Variants in OVGP1 observed in about 807,000 individuals in gnomAD.
The protein encoded by OVGP1 is oviductal glycoprotein 1.
Under a neutral mutation model 48.2 loss-of-function variants are expected in OVGP1, and 26 were observed. That is an observed-to-expected ratio of 0.54 (90% CI 0.40 to 0.75). The LOEUF is 0.75. OVGP1 is among the 30% of genes least tolerant of loss of function. The pLI is 0.00. For missense variants in OVGP1, 791 were observed against 820.6 expected (o/e 0.96, Z 0.44); for synonymous variants, 294 against 305.7 (o/e 0.96, Z 0.40).
Position 111,419,741 on chromosome 1 carries a change from AC to A in OVGP1, c.904-16del. Reference sequence around the variant, plus strand: ...AAGGAACAAATCTGCCAAGAGGACCACCAGGTTAGTTCTGGGAAGTGCCATG... The same window carrying A: ...AAGGAACAAATCTGCCAAGAGGACCACAGGTTAGTTCTGGGAAGTGCCATG... On this transcript the variant is annotated splice_polypyrimidine_tract_variant and intron_variant, in intron 8 of 10. Coordinates refer to ENST00000369732, the MANE Select transcript of OVGP1 (RefSeq NM_002557.4). 1 of 1,520,678 alleles carries A rather than the reference AC, an allele frequency of 6.6e-7. No individual in the cohort carries two copies. The highest frequency in any genetic ancestry group is 9.1e-7 in the Non-Finnish European group (1 of 1,096,496). The allele number at this position is 1,520,678 out of a possible 1,614,324, so 94.2% of individuals were successfully genotyped here.
Position 111,416,410 on chromosome 1 carries a change from A to G in OVGP1, c.1069T>C (p.Leu357=), listed in dbSNP as rs759261627. The part of the protein sequence containing the change: ...EHFGGAMVWT[L]DMDDVRGTFC... ...GTGCCCCTGACGTCATCCATGTCCA[A>G]TGTCCACACCATGGCCCCCCCAAAA... Residue 357 remains leucine (L), a synonymous_variant, in exon 10 of 11, where the codon TTG becomes CTG. Transcript: ENST00000369732. 1.9e-5 allele frequency: 30 copies of G among 1,608,334 alleles called. 1 individual carries two copies. In the South Asian group the frequency reaches 2.2e-4, roughly 12 times the overall value.
chr1:111,422,974 C>G lies in OVGP1; in HGVS notation c.561G>C (p.Gly187=). 6.2e-7 allele frequency: 1 copy of G among 1,614,116 alleles called. No individual in the cohort carries two copies. The highest frequency in any genetic ancestry group is 8.5e-7 in the Non-Finnish European group (1 of 1,180,020). ...PRLLLSAAVS[G]VPHIVQTSYD... Reference sequence around the variant, plus strand: ...AGGATGTTTGGACGATGTGTGGGACCCCAGAAACAGCAGCAGACAGCAGCA... The same window carrying G: ...AGGATGTTTGGACGATGTGTGGGACGCCAGAAACAGCAGCAGACAGCAGCA... Residue 187 remains glycine, a synonymous_variant, in exon 6 of 11, where the codon GGG becomes GGC. Transcript: ENST00000369732.
chr1:111,426,906 C>T, intron 2 of OVGP1, 156 bp downstream of exon 2: 1 of 1,548,074 alleles, frequency 6.5e-7, no homozygotes, highest in Admixed American at 2.0e-5. Flanking sequence ...GCGACACAAA[C>T]AGCAGGTGAC....
rs1275204568 is a variant in OVGP1, at chr1:111,414,758, T to C, written c.1743A>G (p.Ile581Met). The change falls in exon 11 of 11, where the codon ATA becomes ATG. Residue 581 changes from isoleucine (I) to methionine (M), a missense_variant. Ile to Met is a conservative substitution (Grantham distance 10). Transcript: ENST00000369732. ...REKVTVPSRN[I>M]SVTPEGQTMP... ...TAGTCTGCCCTTCAGGGGTGACTGA[T>C]ATGTTTCTGGAGGGGACAGTCACCT... The C allele has an allele frequency of 1.2e-6, 2 of 1,611,024 alleles. No individual in the cohort carries two copies. The highest frequency in any genetic ancestry group is 1.7e-6 in the Non-Finnish European group (2 of 1,177,566).
intron 8 of OVGP1, among the ~76,000 whole-genome samples, chr1:111,420,306 C>T (rs1305986390): frequency 1.3e-5 from 2 of 152,234 alleles, no homozygotes; most frequent in Middle Eastern, 6.3e-3. Flanking sequence ...AAGTTAATGT[C>T]TAAGCCATTC....
At chr1:111,426,796 T>C (rs1652411281) in intron 2 of OVGP1, 155 bp from the exon 3 acceptor site, 1 of 1,547,486 alleles carries the variant, frequency 6.5e-7, no homozygotes, top group Admixed American at 2.0e-5. Flanking sequence ...TACACTGAGG[T>C]TCTATTCCTC....
At position 111,414,568 on chromosome 1, in the gene OVGP1, T is replaced by C. The variant is rs776506048; in HGVS notation, c.1933A>G (p.Ile645Val). ...PLAFDNRFVP[I>V]YGNHSSVNSV... ...TTGACAGAGGAATGGTTTCCATAGA[T>C]GGGAACAAAGCGGTTGTCAAAAGCT... is the stretch of plus-strand genomic sequence containing the variant. The change falls in exon 11 of 11, where the codon ATC becomes GTC. Residue 645 changes from isoleucine to valine, a missense_variant. Coordinates refer to ENST00000369732, the MANE Select transcript of OVGP1 (RefSeq NM_002557.4). 5.6e-6 allele frequency: 9 copies of C among 1,614,174 alleles called. No individual in the cohort carries two copies. The Admixed American group carries it at 1.2e-4, about 21-fold the overall frequency.
chr1:111,415,126 A>T lies in OVGP1; in HGVS notation c.1375T>A (p.Ser459Thr), dbSNP rs376749210. ...AGAGCTACAGTGTGCTTTCCAAGGG[A>T]TACAGTTTCCTTTGTAGGGGTCACA... ...TTVTPTKETV[S>T]LGKHTVALGE... is the part of the protein sequence containing the mutation. Residue 459 changes from serine (S) to threonine (T), a missense_variant, in exon 11 of 11, where the codon TCC (serine) becomes ACC (threonine). By Grantham distance (58) the Ser-to-Thr change is moderately conservative (BLOSUM62 1). Coordinates refer to ENST00000369732, the MANE Select transcript of OVGP1 (RefSeq NM_002557.4). The T allele has an allele frequency of 6.2e-6, 10 of 1,613,970 alleles. No individual in the cohort carries two copies. The highest frequency in any genetic ancestry group is 3.3e-4 in the Middle Eastern group (2 of 6,080).
intron 6 of OVGP1, among the ~76,000 whole-genome samples, chr1:111,422,385 A>G (rs553167665): frequency 6.6e-6 from 1 of 152,344 alleles, no homozygotes; most frequent in Non-Finnish European, 1.5e-5. Flanking sequence ...CCTCTTCTGT[A>G]AATACTTGAT....
At chr1:111,427,270 G>C in intron 1 of OVGP1, 179 bp from the exon 2 acceptor site, 1 of 985,426 alleles carries the variant, frequency 1.0e-6, no homozygotes, top group Non-Finnish European at 1.2e-6. Flanking sequence ...AGTTGGACCA[G>C]TGGAGCTAGA....
intron 8 of OVGP1, among the ~76,000 whole-genome samples, chr1:111,420,409 G>A (rs1271275491): frequency 6.6e-6 from 1 of 152,182 alleles, no homozygotes; most frequent in Non-Finnish European, 1.5e-5. Context: ...TCATAAAAAT[G>A]CTTCATTGGG....
intron 3 of OVGP1, 148 bp downstream of exon 3, chr1:111,426,289 T>C: frequency 3.8e-6 from 4 of 1,060,588 alleles, no homozygotes; most frequent in Non-Finnish European, 5.4e-6. Flanking sequence ...CAAGGAGTTC[T>C]CAAGTTGGGG....
At position 111,414,776 on chromosome 1, in the gene OVGP1, A is replaced by G. The variant is rs762680875; in HGVS notation, c.1725T>C (p.Thr575=). Residue 575 remains threonine (T), a synonymous_variant, in exon 11 of 11, where the codon ACT becomes ACC. Transcript: ENST00000369732. ...RRKAVAREKV[T]VPSRNISVTP... is the part of the protein sequence containing the mutation. ...TGACTGATATGTTTCTGGAGGGGAC[A>G]GTCACCTTTTCACGGGCCACAGCCT... 10 of 1,607,304 alleles carry G rather than the reference A, an allele frequency of 6.2e-6. No homozygotes were observed. The highest frequency in any genetic ancestry group is 1.1e-5 in the South Asian group (1 of 90,724).
At chr1:111,425,521 T>C (rs1309257107) in intron 3 of OVGP1, 82 bp from the exon 4 acceptor site, 3 of 1,594,422 alleles carry the variant, frequency 1.9e-6, no homozygotes, top group Non-Finnish European at 1.7e-6. Flanking sequence ...ATTTTGCTCA[T>C]TGGAAGAAAA....
chr1:111,419,805 G>A (rs1652218168), intron 8 of OVGP1, 79 bp from the exon 9 acceptor site: 2 of 863,488 alleles, frequency 2.3e-6, no homozygotes, highest in East Asian at 2.4e-5. Context: ...CTTGCCCAAG[G>A]ATAAAGAATC....
At chr1:111,416,166 C>T (rs924496662) in intron 10 of OVGP1, among the ~76,000 whole-genome samples, 157 bp downstream of exon 10, 1 of 152,150 alleles carries the variant, frequency 6.6e-6, no homozygotes, top group African/African-American at 2.4e-5. Flanking sequence ...GGCCAAGTAT[C>T]CCAACAAAGA....
At chr1:111,416,644 T>C in intron 9 of OVGP1, 186 bp from the exon 10 acceptor site, 1 of 449,510 alleles carries the variant, frequency 2.2e-6, no homozygotes, top group Non-Finnish European at 3.9e-6. Flanking sequence ...GTAACCCTTA[T>C]GTGTCTTAAC....
chr1:111,425,489 G>T, intron 3 of OVGP1, 50 bp from the exon 4 acceptor site: 1 of 1,612,328 alleles, frequency 6.2e-7, no homozygotes, highest in East Asian at 2.2e-5. Context: ...ACTCCGGTGG[G>T]CAGCTGCTGC....
intron 6 of OVGP1, among the ~76,000 whole-genome samples, chr1:111,421,935 A>G (rs1417284498): frequency 2.6e-5 from 4 of 152,212 alleles, no homozygotes; most frequent in Admixed American, 6.5e-5. Context: ...AAATACACTC[A>G]GGCCTGATAT....
Sources: allele counts gnomAD v4.1 joint callset (sites outside exome capture counted in the v4.1 genomes callset), GRCh38; gene constraint gnomAD v4.1.1; transcripts MANE v1.5; gene names NCBI Gene and HGNC (gene_info 2026-07-23, HGNC 2026-07-21).